HCN4: variants seen among roughly 807,000 people sequenced by gnomAD.
The protein encoded by HCN4 is potassium/sodium hyperpolarization-activated cyclic nucleotide-gated channel 4.
HCN4 carries 29 observed loss-of-function variants against 76.9 expected under a neutral mutation model. That is an observed-to-expected ratio of 0.38 (90% CI 0.28 to 0.51). HCN4 has a LOEUF of 0.51. HCN4 is among the 20% of genes least tolerant of loss of function. The pLI, the probability that HCN4 is intolerant of heterozygous loss-of-function variation, is 0.90. For missense variants in HCN4, 1,416 were observed against 1,715.2 expected (o/e 0.83, Z 3.08); for synonymous variants, 772 against 762.5 (o/e 1.01, Z -0.21).
chr15:73,350,422 A>G (rs1450345265), intron 1 of HCN4, among the ~76,000 whole-genome samples: 1 of 152,138 alleles, frequency 6.6e-6, no homozygotes, highest in African/African-American at 2.4e-5. Flanking sequence ...TCATGCCTCA[A>G]TGTCATCATC....
rs1037889957 is a variant in HCN4 at position 73,362,653 on chromosome 15, T to C, written c.785+4833A>G. ...ACAAGGCCCTGGGGACACTGGGCCC[T>C]AAAGCATGGGAGAGAAGGGTGGATG... On this transcript the variant is annotated intron_variant, in intron 1 of 7. Transcript: ENST00000261917. 1.3e-5 allele frequency among the ~76,000 whole-genome samples: 2 copies of C among 152,118 alleles called. 1 individual carries two copies. Among genetic ancestry groups the C allele is most frequent in the Non-Finnish European group, 2.9e-5 (2 of 68,012 alleles).
intron 2 of HCN4, among the ~76,000 whole-genome samples, chr15:73,333,255 C>T (rs905738500): frequency 6.6e-6 from 1 of 152,160 alleles, no homozygotes; most frequent in African/African-American, 2.4e-5. Flanking sequence ...GAGGTGGAGG[C>T]AAGTCTAGAG....
At chr15:73,351,760 C>A (rs1370672999) in intron 1 of HCN4, among the ~76,000 whole-genome samples, 1 of 152,204 alleles carries the variant, frequency 6.6e-6, no homozygotes, top group Non-Finnish European at 1.5e-5. Flanking sequence ...TAAGTGAAAT[C>A]CAAATTCCTC....
intron 1 of HCN4, among the ~76,000 whole-genome samples, chr15:73,365,003 C>T (rs1291966833): frequency 2.6e-5 from 4 of 152,218 alleles, no homozygotes; most frequent in African/African-American, 9.6e-5. Context: ...AATAAATCCT[C>T]GACTAGCCTG....
At position 73,368,047 on chromosome 15, in the gene HCN4, G is replaced by A; in HGVS notation, c.224C>T (p.Ala75Val). Residue 75 changes from alanine (A) to valine (V), a missense_variant, in exon 1 of 8, where the codon GCG becomes GTG. Around this residue, in one of 6 missense-constraint regions of HCN4, gnomAD observed 355 missense variants for 347.8 expected, o/e 1.02. Transcript: ENST00000261917. The surrounding 1 kb of genome is among the most constrained non-coding windows in gnomAD (Gnocchi z 6.9). ...GCCGCGGGCCGGCCCTTCGCTGTCCGCTGCCCCGAGGGCCGAGCTCCGGGA... is the reference window on the plus strand; with the variant it reads ...GCCGCGGGCCGGCCCTTCGCTGTCCACTGCCCCGAGGGCCGAGCTCCGGGA... ...TESRSSALGA[A>V]DSEGPARGAG... 2.0e-6 allele frequency: 3 copies of A among 1,468,912 alleles called. No individual in the cohort carries two copies. Among genetic ancestry groups the A allele is most frequent in the Non-Finnish European group, 1.8e-6 (2 of 1,116,292 alleles). The allele number at this position is 1,468,912 out of a possible 1,614,324, so 91.0% of individuals were successfully genotyped here. A position where few individuals can be genotyped will look rare whatever the true frequency, so the allele number is the denominator to read the frequency against.
At chr15:73,329,504 C>G (rs2042919791) in intron 4 of HCN4, 69 bp downstream of exon 4, 1 of 1,481,884 alleles carries the variant, frequency 6.7e-7, no homozygotes, top group Admixed American at 1.7e-5. Context: ...TGCTGGGGGC[C>G]CACTGGCTGG....
intron 4 of HCN4, among the ~76,000 whole-genome samples, chr15:73,329,291 C>T (rs747896200): frequency 1.3e-5 from 2 of 152,136 alleles, no homozygotes; most frequent in African/African-American, 4.8e-5. Context: ...TGGAGCAGCA[C>T]GGAGGGCACA....
In HCN4 at chr15:73,321,217, C is replaced by T. The variant is rs1352854479; in HGVS notation, c.*1264G>A. ...AGAAGTGGCAGGGCTGGGATTCAAA[C>T]CCAGGCCTGACTGCTGCCAAAATCT... On this transcript the variant is annotated 3_prime_UTR_variant, in exon 8 of 8. Coordinates refer to ENST00000261917, the MANE Select transcript of HCN4 (RefSeq NM_005477.3). 6.6e-6 allele frequency: 1 copy of T among 152,122 alleles called. No homozygotes were observed. The highest frequency in any genetic ancestry group is 1.5e-5 in the Non-Finnish European group (1 of 68,014). The allele number at this position is 152,122 out of a possible 1,614,324, so 9.4% of individuals were successfully genotyped here.
At chr15:73,336,937 C>T (rs573887677) in intron 2 of HCN4, among the ~76,000 whole-genome samples, 6 of 152,322 alleles carry the variant, frequency 3.9e-5, no homozygotes, top group South Asian at 2.1e-4. Context: ...CTCGGCATCT[C>T]GGCTCCCAAC....
At chr15:73,355,374 T>C (rs921077854) in intron 1 of HCN4, among the ~76,000 whole-genome samples, 1 of 151,952 alleles carries the variant, frequency 6.6e-6, no homozygotes. Context: ...ATATGCTGAG[T>C]TCCATGAATC....
intron 1 of HCN4, among the ~76,000 whole-genome samples, chr15:73,347,016 A>G (rs1382360911): frequency 4.6e-5 from 7 of 152,096 alleles, no homozygotes; most frequent in Non-Finnish European, 4.4e-5. Context: ...GCCCCTCTTC[A>G]TTTCCAATCC....
rs752953709 is a variant in HCN4, at chr15:73,325,303, G to A, written c.1732C>T (p.Arg578Trp). Residue 578 changes from arginine (R) to tryptophan (W), a missense_variant, in exon 5 of 8, where the codon CGG becomes TGG. Physicochemically the swap from Arg to Trp is moderately radical, Grantham distance 101. Transcript: ENST00000261917. This position sits in a 1 kb window ranked among gnomAD's most constrained non-coding sequence, Gnocchi z 7.4. Reference protein sequence around the residue: ...SILGELSEPLREEIINFNCRK... With the variant: ...SILGELSEPLWEEIINFNCRK... ...CGGGCCGCCACACAGCTCACCTCCCGCAGGGGCTCGCTTAGCTCGCCCAGG... is the reference window on the plus strand; with the variant it reads ...CGGGCCGCCACACAGCTCACCTCCCACAGGGGCTCGCTTAGCTCGCCCAGG... The A allele has an allele frequency of 8.7e-6, 14 of 1,613,690 alleles. No homozygotes were observed. Among genetic ancestry groups the A allele is most frequent in the Middle Eastern group, 1.7e-4 (1 of 6,056 alleles).
chr15:73,350,275 C>T (rs1198647138), intron 1 of HCN4, among the ~76,000 whole-genome samples: 1 of 152,192 alleles, frequency 6.6e-6, no homozygotes, highest in Non-Finnish European at 1.5e-5. Context: ...CTCCCATGCC[C>T]CTCCTCCTGG....
intron 1 of HCN4, among the ~76,000 whole-genome samples, chr15:73,349,710 T>A (rs558250771): frequency 6.6e-6 from 1 of 152,144 alleles, no homozygotes; most frequent in Non-Finnish European, 1.5e-5. Flanking sequence ...AAATCCCTCA[T>A]GCCTCAGAAT....
intron 1 of HCN4, among the ~76,000 whole-genome samples, chr15:73,359,694 C>G (rs1422203726): frequency 1.3e-5 from 2 of 152,154 alleles, no homozygotes; most frequent in Non-Finnish European, 2.9e-5. Flanking sequence ...ACACACTGAG[C>G]CCCGACCATT....
intron 1 of HCN4, among the ~76,000 whole-genome samples, chr15:73,349,753 C>A (rs1207045422): frequency 6.6e-6 from 1 of 152,224 alleles, no homozygotes; most frequent in Admixed American, 6.5e-5. Context: ...CCTCTCCCTA[C>A]TGCTGCTACC....
At position 73,343,336 on chromosome 15, in the gene HCN4, C is replaced by T. The variant is rs1290071168; in HGVS notation, c.1209+49G>A. The T allele has an allele frequency of 6.3e-7, 1 of 1,580,702 alleles. No homozygotes were observed. Among genetic ancestry groups the T allele is most frequent in the African/African-American group, 1.3e-5 (1 of 74,170 alleles). ...AGGTTCCCTGCCAGTTCCTCACTCC[C>T]TCTGTGGGGAGTGGCCTTTCCCCCA... On this transcript the variant is annotated intron_variant, in intron 2 of 7. Coordinates refer to ENST00000261917, the MANE Select transcript of HCN4 (RefSeq NM_005477.3). The surrounding 1 kb of genome is among the most constrained non-coding windows in gnomAD (Gnocchi z 5.7).
Position 73,334,197 on chromosome 15 carries a change from C to T in HCN4, c.1210-1905G>A, listed in dbSNP as rs1297774348. Among the ~76,000 whole-genome samples the T allele has an allele frequency of 5.9e-5, 9 of 152,274 alleles. No individual in the cohort carries two copies. In the East Asian group the frequency reaches 1.4e-3, roughly 23 times the overall value. ...CACAGACCAGCTCTGGGGCTGTCAG[C>T]GTTTGAGCTCCTGGCTAAGCTGACA... On this transcript the variant is annotated intron_variant, in intron 2 of 7. Coordinates refer to ENST00000261917, the MANE Select transcript of HCN4 (RefSeq NM_005477.3).
chr15:73,348,956 G>A (rs1449679655), intron 1 of HCN4, among the ~76,000 whole-genome samples: 2 of 152,160 alleles, frequency 1.3e-5, no homozygotes, highest in Non-Finnish European at 2.9e-5. Context: ...CCTCCTCAAA[G>A]CTGAATGGCA....
Sources: gnomAD v4.1 joint callset for allele counts (sites outside exome capture counted in the v4.1 genomes callset) on GRCh38, gnomAD v4.1.1 for gene constraint, gnomAD v4.1.1 regional missense constraint, Gnocchi (gnomAD v3.1) non-coding constraint, MANE v1.5 for transcripts, NCBI Gene and HGNC (gene_info 2026-07-23, HGNC 2026-07-21) for gene names.